C12orf56: variants seen among roughly 807,000 people sequenced by gnomAD.
The protein encoded by C12orf56 is chromosome 12 open reading frame 56, also known as uncharacterized protein C12orf56.
A neutral mutation model predicts 69.9 loss-of-function variants in C12orf56; 71 were observed. The ratio of observed to expected loss-of-function variants is 1.02; its 90% CI spans 0.84 to 1.24. The LOEUF is 1.24. C12orf56 is among the 50% of genes most tolerant of loss of function. The probability of loss-of-function intolerance (pLI) is 0.00; values close to 1 mark genes in which losing one functional copy is unlikely to be tolerated. For synonymous variants in C12orf56, 276 were observed against 274.1 expected (o/e 1.01, Z -0.07); for missense variants, 732 against 738.5 (o/e 0.99, Z 0.10).
At chr12:64,321,187 A>C (rs2038767892) in intron 3 of C12orf56, among the ~76,000 whole-genome samples, 1 of 152,236 alleles carries the variant, frequency 6.6e-6, no homozygotes, top group Non-Finnish European at 1.5e-5. Context: ...GCAAAACTGG[A>C]AACAATATGT....
chr12:64,371,406 A>G (rs796126158), intron 1 of C12orf56, among the ~76,000 whole-genome samples: 10 of 152,248 alleles, frequency 6.6e-5, no homozygotes, highest in African/African-American at 2.4e-4. Context: ...TCAAAAAAAC[A>G]AAACCAAAAA....
At chr12:64,296,778 G>GGCGAGACCTTTAAGA (rs2038371216) in intron 6 of C12orf56, among the ~76,000 whole-genome samples, 1 of 152,076 alleles carries the variant, frequency 6.6e-6, no homozygotes, top group African/African-American at 2.4e-5. Context: ...GAGGTTGATT[G>GGCGAGACCTTTAAGA]GGTCATGAGG....
In C12orf56 at chr12:64,370,856, G is replaced by A. The variant is rs2039560793; in HGVS notation, c.253-17800C>T. On this transcript the variant is annotated intron_variant, in intron 1 of 12. Coordinates refer to ENST00000543942, the MANE Select transcript of C12orf56 (RefSeq NM_001170633.2). Reference sequence around the variant, plus strand: ...ACATATAGACCATTGGAAGAGAATAGAGAGCCCAGAGCCAGGCATGGCAGC... The same window carrying A: ...ACATATAGACCATTGGAAGAGAATAAAGAGCCCAGAGCCAGGCATGGCAGC... Among the ~76,000 whole-genome samples, 5 of 151,872 alleles carry A rather than the reference G, an allele frequency of 3.3e-5. No homozygotes were observed. In the South Asian group the frequency reaches 1.0e-3, roughly 32 times the overall value.
At chr12:64,311,371 C>T (rs1477680484) in intron 5 of C12orf56, among the ~76,000 whole-genome samples, 1 of 151,396 alleles carries the variant, frequency 6.6e-6, no homozygotes, top group African/African-American at 2.4e-5. Flanking sequence ...CAAGATCGCT[C>T]CACTGCATTA....
At position 64,264,865 on chromosome 12, in the gene C12orf56, A is replaced by G. The variant is rs1015257518; in HGVS notation, c.*2318T>C. On this transcript the variant is annotated 3_prime_UTR_variant, in exon 13 of 13. Coordinates refer to ENST00000543942, the MANE Select transcript of C12orf56 (RefSeq NM_001170633.2). ...AGACTGAAGAAAATCAGGGTGACAAATATTCAACCATTAACTCTCCAAAAA... is the reference window on the plus strand; with the variant it reads ...AGACTGAAGAAAATCAGGGTGACAAGTATTCAACCATTAACTCTCCAAAAA... 2 of 152,212 alleles carry G rather than the reference A, an allele frequency of 1.3e-5. No homozygotes were observed. Among genetic ancestry groups the G allele is most frequent in the Non-Finnish European group, 2.9e-5 (2 of 68,044 alleles). The allele number at this position is 152,212 out of a possible 1,614,324, so 9.4% of individuals were successfully genotyped here.
At chr12:64,319,133 C>T (rs1592449664) in intron 3 of C12orf56, 153 bp from the exon 4 acceptor site, 2 of 659,474 alleles carry the variant, frequency 3.0e-6, no homozygotes, top group Middle Eastern at 6.9e-4. Context: ...GGTAATAACC[C>T]ATTGACTAGA....
At chr12:64,320,750 C>T (rs2038761195) in intron 3 of C12orf56, among the ~76,000 whole-genome samples, 2 of 152,100 alleles carry the variant, frequency 1.3e-5, no homozygotes, top group African/African-American at 4.8e-5. Context: ...TTTCAACTAG[C>T]CTCCTGCATG....
At chr12:64,330,285 A>G (rs1036566355) in intron 3 of C12orf56, among the ~76,000 whole-genome samples, 2 of 152,096 alleles carry the variant, frequency 1.3e-5, no homozygotes. Context: ...GACTTTTAAG[A>G]CCCTCCAAAG....
intron 6 of C12orf56, among the ~76,000 whole-genome samples, chr12:64,288,649 C>A (rs1438827074): frequency 1.6e-5 from 2 of 125,538 alleles, no homozygotes; most frequent in African/African-American, 6.4e-5. Flanking sequence ...TGTCAAAGAT[C>A]AGATAGTTGT....
In C12orf56 at chr12:64,347,284, C is replaced by CT. The variant is rs35011865; in HGVS notation, c.415+5609dup. ...TGAGCCACCATGCCCAGCCTAGTAA[C>CT]TTTTTTTTTTTTTTTTTTTGAGACA... On this transcript the variant is annotated intron_variant, in intron 2 of 12. Coordinates refer to ENST00000543942, the MANE Select transcript of C12orf56 (RefSeq NM_001170633.2). Among the ~76,000 whole-genome samples the CT allele has an allele frequency of 3.5e-3, 422 of 121,802 alleles. 10 individuals carry two copies. The highest frequency in any genetic ancestry group is 5.4e-3 in the African/African-American group (176 of 32,460). The allele number at this position is 121,802 out of a possible 152,430, so 79.9% of individuals were successfully genotyped here. A position where few individuals can be genotyped will look rare whatever the true frequency, so the allele number is the denominator to read the frequency against.
At chr12:64,362,648 C>T (rs550672212) in intron 1 of C12orf56, among the ~76,000 whole-genome samples, 49 of 152,048 alleles carry the variant, frequency 3.2e-4, no homozygotes, top group African/African-American at 1.1e-3. Flanking sequence ...GCCAAGATTG[C>T]GCCATTGCAC....
chr12:64,373,393 T>G (rs1012120257), intron 1 of C12orf56, among the ~76,000 whole-genome samples: 1 of 152,056 alleles, frequency 6.6e-6, no homozygotes, highest in African/African-American at 2.4e-5. Flanking sequence ...GAGGTTGCAG[T>G]GAGCTGAGAT....
At chr12:64,270,044 A>G (rs1012133940) in intron 12 of C12orf56, among the ~76,000 whole-genome samples, 3 of 152,138 alleles carry the variant, frequency 2.0e-5, no homozygotes, top group Admixed American at 6.6e-5. Context: ...TCAAATGGCA[A>G]TGGTTCTTAG....
intron 4 of C12orf56, among the ~76,000 whole-genome samples, 159 bp from the exon 5 acceptor site, chr12:64,312,911 T>C (rs987243992): frequency 6.6e-6 from 1 of 152,140 alleles, no homozygotes; most frequent in Non-Finnish European, 1.5e-5. Context: ...CACAGGGAAT[T>C]TTTTTCTTAT....
At chr12:64,342,371 G>A (rs143993381) in intron 2 of C12orf56, among the ~76,000 whole-genome samples, 17 of 152,330 alleles carry the variant, frequency 1.1e-4, no homozygotes, top group Admixed American at 3.3e-4. Flanking sequence ...GAAAGAGGCC[G>A]TAGTGCTGCA....
At chr12:64,284,574 G>T in intron 8 of C12orf56, 90 bp downstream of exon 8, 2 of 867,260 alleles carry the variant, frequency 2.3e-6, no homozygotes, top group Non-Finnish European at 1.7e-6. Context: ...GAACAGGGAA[G>T]TTGGAGAATT....
intron 5 of C12orf56, among the ~76,000 whole-genome samples, chr12:64,308,976 G>GAAAGAAAGAAAGA (rs1565749142): frequency 3.6e-5 from 4 of 112,178 alleles, no homozygotes; most frequent in Non-Finnish European, 5.8e-5. Flanking sequence ...AGAAAGAAAA[G>GAAAGAAAGAAAGA]AAAGAAAGAA....
chr12:64,321,982 A>AT (rs796301427), intron 3 of C12orf56, among the ~76,000 whole-genome samples: 14 of 148,150 alleles, frequency 9.4e-5, no homozygotes, highest in Admixed American at 2.1e-4. Flanking sequence ...CTTTTCATTA[A>AT]TTTTTTTTTA....
intron 1 of C12orf56, among the ~76,000 whole-genome samples, chr12:64,388,217 C>T (rs568643753): frequency 6.6e-6 from 1 of 152,254 alleles, no homozygotes; most frequent in Admixed American, 6.5e-5. Context: ...GGATTACAGG[C>T]GTGAGCCACC....
Sources: gnomAD v4.1 joint callset for allele counts (sites outside exome capture counted in the v4.1 genomes callset) on GRCh38, gnomAD v4.1.1 for gene constraint, MANE v1.5 for transcripts, NCBI Gene and HGNC (gene_info 2026-07-23, HGNC 2026-07-21) for gene names.